Variants in FHOD3 observed in about 807,000 individuals in gnomAD.
FHOD3 encodes formin homology 2 domain containing 3.
Under a neutral mutation model 173.0 loss-of-function variants are expected in FHOD3, and 90 were observed. The observed-to-expected ratio is 0.52, with a 90% CI of 0.44 to 0.62. The LOEUF is 0.62. Among genes scored for constraint, FHOD3 ranks in the 20% least tolerant of loss-of-function variants. The pLI is 0.00. For missense variants in FHOD3, 1,945 were observed against 2,034.7 expected, an observed-to-expected ratio of 0.96 and a Z score of 0.85; for synonymous variants, 828 against 823.0, an observed-to-expected ratio of 1.01 and a Z score of -0.10.
intron 9 of FHOD3, among the ~76,000 whole-genome samples, chr18:36,614,097 A>G (rs1464333763): frequency 6.6e-6 from 1 of 152,104 alleles, no homozygotes; most frequent in Non-Finnish European, 1.5e-5. Flanking sequence ...CATCACCACT[A>G]TCATATTTCA....
chr18:36,391,292 A>C (rs1290801962), intron 3 of FHOD3, among the ~76,000 whole-genome samples: 1 of 152,140 alleles, frequency 6.6e-6, no homozygotes, highest in Non-Finnish European at 1.5e-5. Flanking sequence ...GGGGTGGCTC[A>C]TGGAACAGGG....
intron 3 of FHOD3, among the ~76,000 whole-genome samples, chr18:36,499,354 T>G (rs1038757892): frequency 5.9e-5 from 9 of 152,166 alleles, no homozygotes; most frequent in Non-Finnish European, 1.3e-4. Context: ...TCCGCCTGCC[T>G]CGGCCTCCCA....
At chr18:36,433,924 A>G (rs1015720600) in intron 3 of FHOD3, among the ~76,000 whole-genome samples, 6 of 152,218 alleles carry the variant, frequency 3.9e-5, no homozygotes, top group Non-Finnish European at 8.8e-5. Flanking sequence ...CCATGTATCT[A>G]CCACTACCAC....
At chr18:36,734,767 AG>A (rs973395468) in intron 20 of FHOD3, among the ~76,000 whole-genome samples, 7 of 152,198 alleles carry the variant, frequency 4.6e-5, no homozygotes, top group Non-Finnish European at 8.8e-5. Flanking sequence ...TTGCACCCAG[AG>A]GGCCTTTAGC....
At chr18:36,536,570 T>C (rs1033160820) in intron 5 of FHOD3, among the ~76,000 whole-genome samples, 2 of 152,228 alleles carry the variant, frequency 1.3e-5, no homozygotes, top group African/African-American at 4.8e-5. Flanking sequence ...GCTCTGCACA[T>C]GTGCACATGC....
intron 5 of FHOD3, among the ~76,000 whole-genome samples, chr18:36,514,959 G>T (rs1403442873): frequency 4.6e-5 from 7 of 152,238 alleles, no homozygotes; most frequent in African/African-American, 1.7e-4. Context: ...ATGAGTCCCA[G>T]CTGCATAGAG....
At chr18:36,452,655 T>G (rs1433472851) in intron 3 of FHOD3, among the ~76,000 whole-genome samples, 1 of 152,168 alleles carries the variant, frequency 6.6e-6, no homozygotes, top group South Asian at 2.1e-4. Context: ...TCTCGGAGTC[T>G]GGCTACTTTA....
chr18:36,712,330 G>A (rs370324023), intron 18 of FHOD3, among the ~76,000 whole-genome samples: 17 of 152,322 alleles, frequency 1.1e-4, no homozygotes, highest in African/African-American at 4.1e-4. Context: ...GGATTTTGAA[G>A]CAGCCATAAT....
intron 1 of FHOD3, among the ~76,000 whole-genome samples, chr18:36,335,834 T>G (rs1365615658): frequency 6.6e-6 from 1 of 152,238 alleles, no homozygotes; most frequent in Non-Finnish European, 1.5e-5. Flanking sequence ...GGGGTGGCTC[T>G]GAACAGTAGG....
At chr18:36,615,634 CATAAT>C (rs2033127338) in intron 9 of FHOD3, among the ~76,000 whole-genome samples, 1 of 152,006 alleles carries the variant, frequency 6.6e-6, no homozygotes, top group Non-Finnish European at 1.5e-5. Context: ...GTGTGTATAC[CATAAT>C]ATATATAACT....
chr18:36,588,837 C>T (rs1207891538), intron 6 of FHOD3, among the ~76,000 whole-genome samples: 2 of 152,220 alleles, frequency 1.3e-5, no homozygotes, highest in Non-Finnish European at 2.9e-5. Flanking sequence ...CAACTCCACA[C>T]TCTTCCTGTG....
intron 3 of FHOD3, among the ~76,000 whole-genome samples, chr18:36,391,891 C>T (rs1390356467): frequency 6.6e-6 from 1 of 152,162 alleles, no homozygotes; most frequent in East Asian, 1.9e-4. Context: ...TTAGGCTCTG[C>T]TCAAATGTCT....
Position 36,462,805 on chromosome 18 carries a change from T to G in FHOD3, c.338-39127T>G, listed in dbSNP as rs141967431. On this transcript the variant is annotated intron_variant, in intron 3 of 28. Coordinates refer to ENST00000590592, the MANE Select transcript of FHOD3 (RefSeq NM_001281740.3). The stretch of plus-strand genomic sequence containing the variant: ...ATTTGCAGCTAATTTTTAAATATAT[T>G]TCATAGAGATGGGATCTACCTATAT... Among the ~76,000 whole-genome samples the G allele has an allele frequency of 3.7e-3, 565 of 152,300 alleles. 1 individual carries two copies. The highest frequency in any genetic ancestry group is 6.9e-3 in the Non-Finnish European group (467 of 68,022).
chr18:36,546,543 G>A (rs534365810), intron 5 of FHOD3, among the ~76,000 whole-genome samples: 87 of 152,278 alleles, frequency 5.7e-4, no homozygotes, highest in African/African-American at 1.8e-3. Context: ...AGTGGTGTTA[G>A]TGAGCGACTC....
chr18:36,526,918 A>G (rs909656165), intron 5 of FHOD3, among the ~76,000 whole-genome samples: 1 of 152,228 alleles, frequency 6.6e-6, no homozygotes, highest in Non-Finnish European at 1.5e-5. Flanking sequence ...GATTCCCTCT[A>G]TATCAGTCGA....
intron 1 of FHOD3, among the ~76,000 whole-genome samples, chr18:36,315,671 C>T (rs962689339): frequency 2.0e-5 from 3 of 152,146 alleles, no homozygotes; most frequent in African/African-American, 7.2e-5. Flanking sequence ...AGATCAAAGC[C>T]CAGAACCTGT....
intron 28 of FHOD3, among the ~76,000 whole-genome samples, chr18:36,772,390 C>T (rs915257656): frequency 2.0e-5 from 3 of 152,206 alleles, no homozygotes; most frequent in African/African-American, 7.2e-5. Flanking sequence ...GTTTGGGCCT[C>T]ATGCTGAAAC....
chr18:36,391,551 C>G (rs1321661138), intron 3 of FHOD3, among the ~76,000 whole-genome samples: 1 of 152,158 alleles, frequency 6.6e-6, no homozygotes, highest in Non-Finnish European at 1.5e-5. Flanking sequence ...GAGGCACATA[C>G]TGGATCTTAG....
chr18:36,449,854 A>G (rs1427562558), intron 3 of FHOD3, among the ~76,000 whole-genome samples: 2 of 152,202 alleles, frequency 1.3e-5, no homozygotes, highest in African/African-American at 4.8e-5. Flanking sequence ...AAAATTATAT[A>G]TGATGGTAAT....
Sources: gnomAD v4.1 joint callset for allele counts (sites outside exome capture counted in the v4.1 genomes callset) on GRCh38, gnomAD v4.1.1 for gene constraint, MANE v1.5 for transcripts, NCBI Gene and HGNC (gene_info 2026-07-23, HGNC 2026-07-21) for gene names.